HERC5: variants seen among roughly 807,000 people sequenced by gnomAD.
HERC5 encodes HECT and RLD domain containing E3 ubiquitin protein ligase 5.
A neutral mutation model predicts 119.6 loss-of-function variants in HERC5; 99 were observed. That is an observed-to-expected ratio of 0.83 (90% confidence interval 0.70 to 0.98). HERC5 has a LOEUF of 0.98. HERC5 is among the 50% of genes least tolerant of loss of function. The pLI is 0.00. For synonymous variants in HERC5, 478 were observed against 445.9 expected, an observed-to-expected ratio of 1.07 and a Z score of -0.91; for missense variants, 1,267 against 1,241.3, an observed-to-expected ratio of 1.02 and a Z score of -0.31.
Position 88,462,163 on chromosome 4 carries a change from C to G in HERC5, c.495C>G (p.Asn165Lys). 3.1e-6 allele frequency: 5 copies of G among 1,614,030 alleles called. No individual in the cohort carries two copies. The highest frequency in any genetic ancestry group is 2.5e-6 in the Non-Finnish European group (3 of 1,179,978). The change falls in exon 4 of 23, where the codon AAC (asparagine) becomes AAG (lysine). Residue 165 changes from asparagine (N) to lysine (K), a missense_variant. Transcript: ENST00000264350. The part of the protein sequence containing the change: ...KGGELFAWGQ[N>K]LHGQLGVGRK... ...GTGAGCTTTTTGCCTGGGGACAGAA[C>G]CTGCATGGGCAGCTTGGAGTTGGAA... is the stretch of plus-strand genomic sequence containing the variant.
At position 88,457,219 on chromosome 4, in the gene HERC5, A is replaced by T. The variant is rs1201639755; in HGVS notation, c.-51A>T. Reference sequence around the variant, plus strand: ...GGCAGTGGGCGCGCTCAGTCCCGGGACCAGGCGTTCTCTCCTCTCGCCTCT... The same window carrying T: ...GGCAGTGGGCGCGCTCAGTCCCGGGTCCAGGCGTTCTCTCCTCTCGCCTCT... On this transcript the variant is annotated 5_prime_UTR_variant, in exon 1 of 23. Coordinates refer to ENST00000264350, the MANE Select transcript of HERC5 (RefSeq NM_016323.4). 7.9e-7 allele frequency: 1 copy of T among 1,268,266 alleles called. No homozygotes were observed. Among genetic ancestry groups the T allele is most frequent in the Non-Finnish European group, 1.0e-6 (1 of 1,004,976 alleles). 78.6% of individuals were successfully genotyped at this position (1,268,266 alleles called of 1,614,324 possible).
rs188793028 is a variant in HERC5 at position 88,474,324 on chromosome 4, A to G, written c.1393-1517A>G. Reference sequence around the variant, plus strand: ...AAACAAGTTGCCCAGAGGAATTAAGATCTTACCAGGTGCTCACGTGGAAGG... The same window carrying G: ...AAACAAGTTGCCCAGAGGAATTAAGGTCTTACCAGGTGCTCACGTGGAAGG... On this transcript the variant is annotated intron_variant, in intron 11 of 22. Coordinates refer to ENST00000264350, the MANE Select transcript of HERC5 (RefSeq NM_016323.4). Among the ~76,000 whole-genome samples, 15 of 152,336 alleles carry G rather than the reference A, an allele frequency of 9.8e-5. No individual in the cohort carries two copies. In the East Asian group the frequency reaches 2.9e-3, roughly 29 times the overall value.
At chr4:88,458,081 A>G (rs770097624) in intron 1 of HERC5, 153 of 985,484 alleles carry the variant, frequency 1.6e-4, no homozygotes, top group Middle Eastern at 5.2e-4. Context: ...GCGTTTAACT[A>G]CTGGACGTTT....
intron 13 of HERC5, among the ~76,000 whole-genome samples, chr4:88,483,285 T>C (rs1285389760): frequency 6.6e-6 from 1 of 152,026 alleles, no homozygotes; most frequent in African/African-American, 2.4e-5. Flanking sequence ...CATGGCTCAC[T>C]GCAGCCTTGA....
chr4:88,479,240 G>A (rs1267078857), intron 12 of HERC5, 113 bp from the exon 13 acceptor site: 6 of 685,132 alleles, frequency 8.8e-6, no homozygotes, highest in South Asian at 5.2e-5. Context: ...AGCTGAGATC[G>A]TGCCACTGCA....
Position 88,479,366 on chromosome 4 carries a change from A to G in HERC5, c.1596A>G (p.Ala532=). The G allele has an allele frequency of 6.2e-7, 1 of 1,602,112 alleles. No individual in the cohort carries two copies. ...TGTGTTCCTCAGAAGAGTATTGGGC[A>G]ACTCTGCAAGAATCCACTTTCAGCA... ...QSSLVLEEYW[A]TLQESTFSKL... Residue 532 remains alanine (A), a synonymous_variant, in exon 13 of 23, where the codon GCA becomes GCG. Coordinates refer to ENST00000264350, the MANE Select transcript of HERC5 (RefSeq NM_016323.4).
At chr4:88,465,485 A>G (rs1259709170) in intron 6 of HERC5, among the ~76,000 whole-genome samples, 1 of 152,206 alleles carries the variant, frequency 6.6e-6, no homozygotes, top group African/African-American at 2.4e-5. Context: ...TAAATGGGTA[A>G]TATTATTAAG....
At chr4:88,492,322 C>G (rs1260256724) in intron 16 of HERC5, among the ~76,000 whole-genome samples, 1 of 151,890 alleles carries the variant, frequency 6.6e-6, no homozygotes, top group Non-Finnish European at 1.5e-5. Context: ...TGATTTCTTT[C>G]TGTTTATTTT....
chr4:88,500,875 TTATGTTGGAGA>T (rs1353155827), intron 19 of HERC5, 29 bp from the exon 20 acceptor site: 1 of 1,420,374 alleles, frequency 7.0e-7, no homozygotes. Context: ...TTGTTCAGAA[TTATGTTGGAGA>T]TATTATCTGA....
chr4:88,492,393 C>A lies in HERC5; in HGVS notation c.2134-619C>A, dbSNP rs551153053. On this transcript the variant is annotated intron_variant, in intron 16 of 22. Coordinates refer to ENST00000264350, the MANE Select transcript of HERC5 (RefSeq NM_016323.4). ...CCAGTTGAGGTCAATTTAGGTAAAA[C>A]TTTTACCTAAAGTGGTAAAAACTTT... Among the ~76,000 whole-genome samples the A allele has an allele frequency of 1.8e-3, 278 of 152,062 alleles. 1 individual carries two copies. The highest frequency in any genetic ancestry group is 0.013 in the South Asian group (63 of 4,806).
chr4:88,477,690 C>T (rs946914190), intron 12 of HERC5, among the ~76,000 whole-genome samples: 36 of 151,940 alleles, frequency 2.4e-4, no homozygotes, highest in African/African-American at 8.5e-4. Context: ...ATAGTCTGAC[C>T]GTTTCCTATC....
chr4:88,471,131 G>A (rs958845293), intron 10 of HERC5, among the ~76,000 whole-genome samples: 4 of 151,312 alleles, frequency 2.6e-5, no homozygotes, highest in African/African-American at 7.3e-5. Context: ...ACTACACCCA[G>A]CTAATTTTTG....
chr4:88,490,415 C>G (rs1049929980), intron 16 of HERC5, among the ~76,000 whole-genome samples: 1 of 152,142 alleles, frequency 6.6e-6, no homozygotes, highest in South Asian at 2.1e-4. Flanking sequence ...AGACTTTCTG[C>G]TTAATGAAGA....
chr4:88,474,765 A>G (rs1424302436), intron 11 of HERC5, among the ~76,000 whole-genome samples: 2 of 152,230 alleles, frequency 1.3e-5, no homozygotes, highest in African/African-American at 4.8e-5. Context: ...ATTTCTCATC[A>G]GTAAAATGGG....
intron 16 of HERC5, among the ~76,000 whole-genome samples, chr4:88,490,805 A>C (rs985608917): frequency 1.3e-5 from 2 of 152,172 alleles, no homozygotes; most frequent in Non-Finnish European, 2.9e-5. Flanking sequence ...AGATTACCCC[A>C]CTGCACTCTA....
intron 3 of HERC5, among the ~76,000 whole-genome samples, chr4:88,461,230 T>C (rs1740432016): frequency 6.6e-6 from 1 of 152,230 alleles, no homozygotes; most frequent in Non-Finnish European, 1.5e-5. Context: ...TTTGACTTCA[T>C]TCATTCATGA....
intron 19 of HERC5, 93 bp from the exon 20 acceptor site, chr4:88,500,822 C>A: frequency 1.0e-6 from 1 of 980,652 alleles, no homozygotes; most frequent in Non-Finnish European, 1.5e-6. Context: ...TTAACACATT[C>A]TTTTTAGAAA....
chr4:88,501,079 C>T, intron 20 of HERC5, 94 bp downstream of exon 20: 1 of 787,940 alleles, frequency 1.3e-6, no homozygotes, highest in South Asian at 1.8e-5. Context: ...ATTTTTCATT[C>T]TCATTAATCA....
intron 2 of HERC5, 84 bp from the exon 3 acceptor site, chr4:88,460,011 T>C: frequency 1.4e-6 from 1 of 690,468 alleles, no homozygotes; most frequent in Non-Finnish European, 2.4e-6. Context: ...GCTTCATTTC[T>C]AATTAAATAC....
Sources: gnomAD v4.1 joint callset for allele counts (sites outside exome capture counted in the v4.1 genomes callset) on GRCh38, gnomAD v4.1.1 for gene constraint, MANE v1.5 for transcripts, NCBI Gene and HGNC (gene_info 2026-07-23, HGNC 2026-07-21) for gene names.